The following UBE2V1 variants were observed in gnomAD, a reference collection of about 807,000 sequenced individuals.
UBE2V1 encodes ubiquitin-conjugating enzyme E2 variant 1.
A neutral mutation model predicts 19.6 loss-of-function variants in UBE2V1; 15 were observed. That is an observed-to-expected ratio of 0.77 (90% CI 0.51 to 1.18). UBE2V1 has a LOEUF of 1.18. UBE2V1 is among the 50% of genes most tolerant of loss of function. The pLI is 0.00. For synonymous variants in UBE2V1, 60 were observed against 60.7 expected (o/e 0.99, Z 0.05); for missense variants, 125 against 184.8 (o/e 0.68, Z 1.88).
intron 2 of UBE2V1, among the ~76,000 whole-genome samples, chr20:50,086,053 G>GT (rs1347225538): frequency 6.6e-6 from 1 of 152,270 alleles, no homozygotes; most frequent in African/African-American, 2.4e-5. Flanking sequence ...CCAGACCAAC[G>GT]TCTTAAAAAC....
chr20:50,109,325 T>C (rs1302381594), intron 1 of UBE2V1, among the ~76,000 whole-genome samples: 1 of 151,864 alleles, frequency 6.6e-6, no homozygotes, highest in African/African-American at 2.4e-5. Flanking sequence ...GAGCTACAAT[T>C]TGTGGGGAGG....
chr20:50,096,376 G>T, intron 2 of UBE2V1: 1 of 493,452 alleles, frequency 2.0e-6, no homozygotes, highest in Non-Finnish European at 3.4e-6. Context: ...TATTTGGTTA[G>T]CCCAGAGATT....
intron 1 of UBE2V1, among the ~76,000 whole-genome samples, chr20:50,110,846 A>G (rs1042266517): frequency 1.3e-5 from 2 of 152,070 alleles, no homozygotes; most frequent in Middle Eastern, 3.2e-3. Flanking sequence ...GCAGAGTCCC[A>G]CCACAGGGCC....
upstream of UBE2V1, chr20:50,113,170 C>G (rs549584264): frequency 8.1e-5 from 103 of 1,266,724 alleles, no homozygotes; most frequent in Middle Eastern, 4.6e-4. Flanking sequence ...TTCTTCACCC[C>G]CCCCTTACCC....
At chr20:50,096,529 C>T in intron 2 of UBE2V1, 143 bp downstream of exon 2, 4 of 1,569,538 alleles carry the variant, frequency 2.5e-6, no homozygotes, top group Non-Finnish European at 3.4e-6. Flanking sequence ...AATATATAAA[C>T]TGAAACTGGT....
At chr20:50,098,766 T>C (rs1258360845) in intron 1 of UBE2V1, 1 of 249,740 alleles carries the variant, frequency 4.0e-6, no homozygotes, top group Non-Finnish European at 6.4e-6. Flanking sequence ...TTTATAATAA[T>C]GGTAAAAGTT....
At chr20:50,098,327 G>A (rs1291844979) in intron 1 of UBE2V1, among the ~76,000 whole-genome samples, 1 of 152,184 alleles carries the variant, frequency 6.6e-6, no homozygotes, top group Non-Finnish European at 1.5e-5. Flanking sequence ...AGCAAGAGGA[G>A]ATTAAGGATG....
intron 2 of UBE2V1, among the ~76,000 whole-genome samples, chr20:50,094,013 T>TAAAAAAA (rs1366589410): frequency 1.2e-5 from 1 of 81,704 alleles, no homozygotes; most frequent in African/African-American, 5.1e-5. Context: ...AAAAAAAAAA[T>TAAAAAAA]AATAATAATA....
At chr20:50,102,116 C>T (rs2080039346) in intron 1 of UBE2V1, among the ~76,000 whole-genome samples, 1 of 152,150 alleles carries the variant, frequency 6.6e-6, no homozygotes, top group Non-Finnish European at 1.5e-5. Flanking sequence ...GAAGCATTTG[C>T]CTAGAGCAAA....
intron 1 of UBE2V1, among the ~76,000 whole-genome samples, chr20:50,100,372 G>T (rs1350976421): frequency 6.6e-6 from 1 of 151,352 alleles, no homozygotes; most frequent in Non-Finnish European, 1.5e-5. Flanking sequence ...TGGATCATGA[G>T]GTCAAGAGTT....
chr20:50,097,397 G>A (rs774863203), intron 1 of UBE2V1, among the ~76,000 whole-genome samples: 4 of 152,166 alleles, frequency 2.6e-5, no homozygotes, highest in Non-Finnish European at 5.9e-5. Context: ...AGCTAAAAGG[G>A]AATAGCTGGT....
At chr20:50,084,350 T>C (rs1047349835) in intron 2 of UBE2V1, 96 bp from the exon 3 acceptor site, 17 of 1,597,492 alleles carry the variant, frequency 1.1e-5, no homozygotes, top group Non-Finnish European at 1.4e-5. Flanking sequence ...ACTGTAGAAC[T>C]GGTACATCTG....
intron 2 of UBE2V1, among the ~76,000 whole-genome samples, chr20:50,087,922 G>A (rs1478373797): frequency 6.6e-6 from 1 of 151,964 alleles, no homozygotes; most frequent in Admixed American, 6.6e-5. Context: ...AGGTATAGAC[G>A]ATACATTGTA....
intron 3 of UBE2V1, chr20:50,083,885 G>A (rs573213029): frequency 2.9e-6 from 1 of 348,182 alleles, no homozygotes; most frequent in Admixed American, 4.6e-5. Context: ...GTGGCATGAG[G>A]AAAGAGCTCA....
chr20:50,109,238 T>C lies in UBE2V1; in HGVS notation c.22+3869A>G, dbSNP rs920539572. On this transcript the variant is annotated intron_variant, in intron 1 of 3. Coordinates refer to ENST00000371674, the MANE Select transcript of UBE2V1 (RefSeq NM_001032288.3). ...CTTTGCCAAATGTGCTGCTCTGAAC[T>C]TCACTGTGCCCCTTCAAAATTAAGC... 3.8e-5 allele frequency: 25 copies of C among 662,814 alleles called. No individual in the cohort carries two copies. The African/African-American group carries it at 4.9e-4, about 13-fold the overall frequency. The allele number at this position is 662,814 out of a possible 1,614,324, so 41.1% of individuals were successfully genotyped here.
intron 2 of UBE2V1, among the ~76,000 whole-genome samples, chr20:50,093,987 CAAAAAAA>C (rs60174191): frequency 1.2e-4 from 7 of 56,280 alleles, no homozygotes; most frequent in South Asian, 6.6e-4. Context: ...GACTCCAACT[CAAAAAAA>C]AAAAAAAAAA....
intron 1 of UBE2V1, chr20:50,111,347 G>C: frequency 2.0e-6 from 2 of 997,674 alleles, no homozygotes; most frequent in Non-Finnish European, 2.4e-6. Flanking sequence ...CCAGATTGTA[G>C]GTAGCCAACC....
At chr20:50,110,247 G>A (rs919421121) in intron 1 of UBE2V1, among the ~76,000 whole-genome samples, 5 of 152,230 alleles carry the variant, frequency 3.3e-5, no homozygotes, top group African/African-American at 7.2e-5. Flanking sequence ...GAAGTCACCC[G>A]TCATAACATG....
chr20:50,087,940 T>C (rs1440493428), intron 2 of UBE2V1, among the ~76,000 whole-genome samples: 1 of 152,042 alleles, frequency 6.6e-6, no homozygotes, highest in South Asian at 2.1e-4. Context: ...GTAGGATATG[T>C]ATAGCCTATA....
Sources: gnomAD v4.1 joint callset for allele counts (sites outside exome capture counted in the v4.1 genomes callset) on GRCh38, gnomAD v4.1.1 for gene constraint, MANE v1.5 for transcripts, NCBI Gene and HGNC (gene_info 2026-07-23, HGNC 2026-07-21) for gene names.